The following BBS9 variants were observed in gnomAD, a reference collection of about 807,000 sequenced individuals.
The protein encoded by BBS9 is Bardet-Biedl syndrome 9.
A neutral mutation model predicts 117.7 loss-of-function variants in BBS9; 89 were observed. That is an observed-to-expected ratio of 0.76 (90% CI 0.64 to 0.90). The LOEUF (loss-of-function observed/expected upper bound fraction) is 0.90, where lower values mean the gene tolerates loss of function less well. Among genes scored for constraint, BBS9 ranks in the 40% least tolerant of loss-of-function variants. BBS9 has a pLI of 0.00. For missense variants in BBS9, 982 were observed against 1,042.2 expected (o/e 0.94, Z 0.80); for synonymous variants, 379 against 370.9 (o/e 1.02, Z -0.25).
intron 21 of BBS9, among the ~76,000 whole-genome samples, chr7:33,617,788 A>G (rs2598383): frequency 0.36 from 55,406 of 152,114 alleles, 13,390 homozygotes; most frequent in African/African-American, 0.68. Flanking sequence ...TGGAGACTCA[A>G]TTGAGCAGAG....
chr7:33,317,129 T>C (rs1810676892), intron 9 of BBS9, among the ~76,000 whole-genome samples: 2 of 152,214 alleles, frequency 1.3e-5, no homozygotes, highest in Non-Finnish European at 1.5e-5. Context: ...CTCTTTGAAT[T>C]ACTTTGGCAT....
chr7:33,226,969 T>C (rs754011426), intron 5 of BBS9, among the ~76,000 whole-genome samples: 27 of 152,114 alleles, frequency 1.8e-4, no homozygotes, highest in Admixed American at 5.9e-4. Context: ...TGAATGGTGG[T>C]GGATTGCACA....
chr7:33,301,013 T>C (rs929855312), intron 9 of BBS9, among the ~76,000 whole-genome samples: 1 of 152,144 alleles, frequency 6.6e-6, no homozygotes, highest in Non-Finnish European at 1.5e-5. Flanking sequence ...CTGGCTTCTG[T>C]AGGTATTATT....
At chr7:33,234,929 G>A (rs1302047574) in intron 5 of BBS9, among the ~76,000 whole-genome samples, 2 of 151,232 alleles carry the variant, frequency 1.3e-5, no homozygotes, top group African/African-American at 2.4e-5. Context: ...GGTAGTAAAA[G>A]TAGTGGTTTT....
chr7:33,434,293 A>T (rs1468781937), intron 19 of BBS9, among the ~76,000 whole-genome samples: 1 of 150,702 alleles, frequency 6.6e-6, no homozygotes, highest in Admixed American at 6.6e-5. Context: ...AAAAAAAAAA[A>T]CTCCGTTTTA....
At chr7:33,566,647 A>G (rs545232282) in intron 21 of BBS9, among the ~76,000 whole-genome samples, 5 of 152,212 alleles carry the variant, frequency 3.3e-5, no homozygotes, top group African/African-American at 1.2e-4. Flanking sequence ...AGCTCTGGTT[A>G]TTATCAGAAT....
Position 33,383,662 on chromosome 7 carries a change from T to G in BBS9, c.1790-4T>G, listed in dbSNP as rs370516728. ...AGCATTTTTCCTTAATTTTTTTCTC[T>G]CAGAACGATATCGCATTCAGAGTGA... On this transcript the variant is annotated splice_region_variant and splice_polypyrimidine_tract_variant and intron_variant, in intron 17 of 22. Coordinates refer to ENST00000242067, the MANE Select transcript of BBS9 (RefSeq NM_198428.3). 1 of 1,600,158 alleles carries G rather than the reference T, an allele frequency of 6.2e-7. No homozygotes were observed. Among genetic ancestry groups the G allele is most frequent in the Non-Finnish European group, 8.5e-7 (1 of 1,171,176 alleles).
At chr7:33,383,900 C>A in intron 18 of BBS9, 62 bp downstream of exon 18, 1 of 1,522,922 alleles carries the variant, frequency 6.6e-7, no homozygotes, top group Non-Finnish European at 9.0e-7. Context: ...GAAATAGATG[C>A]TATAGAAGGA....
chr7:33,275,291 G>A (rs1800566542), intron 9 of BBS9, among the ~76,000 whole-genome samples: 1 of 152,146 alleles, frequency 6.6e-6, no homozygotes, highest in African/African-American at 2.4e-5. Context: ...TAGTTATTTT[G>A]TGTCTGAAAA....
At chr7:33,469,464 G>A (rs1291639565) in intron 19 of BBS9, among the ~76,000 whole-genome samples, 1 of 152,102 alleles carries the variant, frequency 6.6e-6, no homozygotes, top group East Asian at 1.9e-4. Flanking sequence ...ATATTACAAA[G>A]TCCTATCTTT....
intron 21 of BBS9, among the ~76,000 whole-genome samples, chr7:33,627,617 G>A (rs1865703159): frequency 6.6e-6 from 1 of 152,222 alleles, no homozygotes; most frequent in African/African-American, 2.4e-5. Flanking sequence ...GAGCCACATA[G>A]GCAGAGATGG....
Position 33,363,005 on chromosome 7 carries a change from C to T in BBS9, c.1694-4762C>T, listed in dbSNP as rs546912274. Among the ~76,000 whole-genome samples the T allele has an allele frequency of 9.2e-5, 14 of 152,188 alleles. No individual in the cohort carries two copies. The East Asian group carries it at 2.7e-3, about 29-fold the overall frequency. On this transcript the variant is annotated intron_variant, in intron 16 of 22. Coordinates refer to ENST00000242067, the MANE Select transcript of BBS9 (RefSeq NM_198428.3). ...GGTAGTTTTTCATGTACAGGTTTTA[C>T]AGATCTTTTGTCAGATATATCCCTA...
chr7:33,552,634 C>G (rs1585228322), intron 21 of BBS9, among the ~76,000 whole-genome samples: 3 of 152,262 alleles, frequency 2.0e-5, no homozygotes, highest in Admixed American at 2.0e-4. Flanking sequence ...GTTTCATTTA[C>G]TTGTTTCTAA....
intron 5 of BBS9, among the ~76,000 whole-genome samples, chr7:33,224,118 A>G (rs1241768405): frequency 2.0e-5 from 3 of 152,170 alleles, no homozygotes; most frequent in Non-Finnish European, 2.9e-5. Flanking sequence ...TGAAATATTT[A>G]TTATTTATAA....
At chr7:33,417,319 C>T (rs942389190) in intron 19 of BBS9, among the ~76,000 whole-genome samples, 6 of 152,184 alleles carry the variant, frequency 3.9e-5, no homozygotes, top group African/African-American at 1.4e-4. Flanking sequence ...GAAATTCCTT[C>T]TGTGGGCTTG....
intron 1 of BBS9, among the ~76,000 whole-genome samples, chr7:33,135,923 CT>C (rs61497361): frequency 0.024 from 3,471 of 144,614 alleles, 118 homozygotes; most frequent in African/African-American, 0.079. Context: ...CCTAAGTATT[CT>C]TTTTTTTTTT....
At chr7:33,596,486 C>T (rs1012367343) in intron 21 of BBS9, among the ~76,000 whole-genome samples, 4 of 151,810 alleles carry the variant, frequency 2.6e-5, no homozygotes, top group African/African-American at 7.3e-5. Flanking sequence ...CAGACTAAGC[C>T]CTTTGGTCTG....
At chr7:33,629,553 C>G (rs1306717043) in intron 21 of BBS9, among the ~76,000 whole-genome samples, 5 of 152,114 alleles carry the variant, frequency 3.3e-5, no homozygotes, top group African/African-American at 1.2e-4. Context: ...AAAAATGCCT[C>G]CCTCAGCCCT....
At chr7:33,329,340 A>G (rs573613980) in intron 9 of BBS9, among the ~76,000 whole-genome samples, 1 of 152,296 alleles carries the variant, frequency 6.6e-6, no homozygotes, top group African/African-American at 2.4e-5. Context: ...TTTTGTAACT[A>G]TAAGACAAAA....
Sources: allele counts gnomAD v4.1 joint callset (sites outside exome capture counted in the v4.1 genomes callset), GRCh38; gene constraint gnomAD v4.1.1; transcripts MANE v1.5; gene names NCBI Gene and HGNC (gene_info 2026-07-23, HGNC 2026-07-21).